The following CACNA2D3 variants were observed in gnomAD, a reference collection of about 807,000 sequenced individuals.
CACNA2D3 encodes the protein voltage-dependent calcium channel subunit alpha-2/delta-3.
CACNA2D3 carries 60 observed loss-of-function variants against 160.6 expected under a neutral mutation model. That is an observed-to-expected ratio of 0.37 (90% CI 0.30 to 0.46). The LOEUF (loss-of-function observed/expected upper bound fraction) is 0.46, where lower values mean the gene tolerates loss of function less well. Ranked by LOEUF, CACNA2D3 falls within the 20% of genes least tolerant of loss-of-function variation. The probability of loss-of-function intolerance (pLI) is 1.00; values close to 1 mark genes in which losing one functional copy is unlikely to be tolerated. For synonymous variants in CACNA2D3, 558 were observed against 492.9 expected, an observed-to-expected ratio of 1.13 and a Z score of -1.75; for missense variants, 1,205 against 1,365.0, an observed-to-expected ratio of 0.88 and a Z score of 1.85.
intron 11 of CACNA2D3, among the ~76,000 whole-genome samples, chr3:54,733,535 T>G (rs185093525): frequency 6.6e-6 from 1 of 152,336 alleles, no homozygotes; most frequent in East Asian, 1.9e-4. Context: ...GAGCCTGTAA[T>G]TTCTCTCCTG....
At chr3:54,720,222 G>A (rs1039102954) in intron 11 of CACNA2D3, among the ~76,000 whole-genome samples, 5 of 151,674 alleles carry the variant, frequency 3.3e-5, no homozygotes, top group Admixed American at 6.6e-5. Flanking sequence ...TAGATTATTG[G>A]TTTCCAGCCT....
intron 2 of CACNA2D3, among the ~76,000 whole-genome samples, chr3:54,239,616 C>G (rs1575336868): frequency 6.6e-6 from 1 of 152,204 alleles, no homozygotes; most frequent in Admixed American, 6.5e-5. Flanking sequence ...TCAGGAAGAA[C>G]AAATGTAGTT....
intron 2 of CACNA2D3, among the ~76,000 whole-genome samples, chr3:54,150,786 ACT>A (rs1332949315): frequency 5.3e-5 from 8 of 152,138 alleles, no homozygotes; most frequent in Non-Finnish European, 1.0e-4. Flanking sequence ...AGAGGAGATA[ACT>A]CTTGGTGTAG....
chr3:54,443,879 A>G (rs545899951), intron 4 of CACNA2D3, among the ~76,000 whole-genome samples: 1 of 152,296 alleles, frequency 6.6e-6, no homozygotes, highest in South Asian at 2.1e-4. Context: ...ATTGCAAAAC[A>G]TGCTGCTGTT....
chr3:54,769,929 TCAGTGTCCC>T (rs1193779918), intron 13 of CACNA2D3, among the ~76,000 whole-genome samples: 1 of 152,154 alleles, frequency 6.6e-6, no homozygotes, highest in Non-Finnish European at 1.5e-5. Context: ...GGTGCCTGGG[TCAGTGTCCC>T]CAGAAAACAC....
At chr3:54,417,294 A>T (rs1699767946) in intron 4 of CACNA2D3, among the ~76,000 whole-genome samples, 1 of 152,192 alleles carries the variant, frequency 6.6e-6, no homozygotes, top group Admixed American at 6.5e-5. Flanking sequence ...AACAAAACAG[A>T]CTTTCCCATG....
chr3:54,191,197 G>C (rs1351660430), intron 2 of CACNA2D3, among the ~76,000 whole-genome samples: 1 of 152,154 alleles, frequency 6.6e-6, no homozygotes, highest in Admixed American at 6.5e-5. Context: ...AAGCTTAGAT[G>C]CAGCAGCCTT....
chr3:54,599,538 A>T (rs1703024677), intron 9 of CACNA2D3, among the ~76,000 whole-genome samples: 1 of 152,110 alleles, frequency 6.6e-6, no homozygotes, highest in Non-Finnish European at 1.5e-5. Flanking sequence ...GCTGAGCTTG[A>T]GCATACATGA....
chr3:54,931,151 T>G (rs1206029710), intron 27 of CACNA2D3, among the ~76,000 whole-genome samples: 1 of 152,162 alleles, frequency 6.6e-6, no homozygotes, highest in East Asian at 1.9e-4. Context: ...ATTTACAGAC[T>G]TCAAAGAGTC....
At chr3:54,826,725 A>C (rs1046397044) in intron 14 of CACNA2D3, among the ~76,000 whole-genome samples, 4 of 152,170 alleles carry the variant, frequency 2.6e-5, no homozygotes, top group African/African-American at 9.7e-5. Flanking sequence ...GATCATAATT[A>C]ATTATAATTA....
chr3:55,038,409 G>A (rs560275684), intron 35 of CACNA2D3, among the ~76,000 whole-genome samples: 3 of 152,058 alleles, frequency 2.0e-5, no homozygotes, highest in Non-Finnish European at 4.4e-5. Flanking sequence ...CATATGAGAT[G>A]TGTTGCATAT....
chr3:54,208,059 T>G (rs1053725935), intron 2 of CACNA2D3, among the ~76,000 whole-genome samples: 17 of 152,080 alleles, frequency 1.1e-4, no homozygotes, highest in Non-Finnish European at 1.6e-4. Context: ...AATGGGTGAG[T>G]AGTGAGTGTG....
intron 11 of CACNA2D3, among the ~76,000 whole-genome samples, chr3:54,644,509 G>A (rs1699595138): frequency 6.6e-6 from 1 of 152,188 alleles, no homozygotes; most frequent in Non-Finnish European, 1.5e-5. Flanking sequence ...GTTAAAGTGA[G>A]ATGATGAGCA....
At chr3:55,021,474 T>C (rs1261206559) in intron 35 of CACNA2D3, among the ~76,000 whole-genome samples, 2 of 151,520 alleles carry the variant, frequency 1.3e-5, no homozygotes, top group Non-Finnish European at 2.9e-5. Flanking sequence ...GTTTACATTG[T>C]TTTTTTATTT....
chr3:54,480,795 A>AATCTG (rs1559493873), intron 4 of CACNA2D3, among the ~76,000 whole-genome samples: 1 of 152,112 alleles, frequency 6.6e-6, no homozygotes, highest in Admixed American at 6.6e-5. Flanking sequence ...AAGACTCCAG[A>AATCTG]ATCTGAAATG....
At chr3:54,912,544 A>C (rs979466731) in intron 27 of CACNA2D3, among the ~76,000 whole-genome samples, 3 of 152,050 alleles carry the variant, frequency 2.0e-5, no homozygotes, top group Non-Finnish European at 4.4e-5. Flanking sequence ...TGCCTTTTCC[A>C]TGGGACATTT....
chr3:54,737,778 T>A (rs9836012), intron 11 of CACNA2D3, among the ~76,000 whole-genome samples: 1 of 152,122 alleles, frequency 6.6e-6, no homozygotes, highest in South Asian at 2.1e-4. Flanking sequence ...GATTCTCTTG[T>A]CTCAGCCTCC....
intron 11 of CACNA2D3, among the ~76,000 whole-genome samples, chr3:54,661,193 C>G (rs1699963435): frequency 6.6e-6 from 1 of 152,152 alleles, no homozygotes; most frequent in Non-Finnish European, 1.5e-5. Context: ...GAGGGTCAGC[C>G]TGGCTGGGGG....
At chr3:54,608,813 C>A (rs886124038) in intron 9 of CACNA2D3, among the ~76,000 whole-genome samples, 8 of 152,140 alleles carry the variant, frequency 5.3e-5, no homozygotes, top group Non-Finnish European at 8.8e-5. Context: ...TAACTAGGGA[C>A]CTTCTTGCCA....
Sources: gnomAD v4.1 joint callset for allele counts (sites outside exome capture counted in the v4.1 genomes callset) on GRCh38, gnomAD v4.1.1 for gene constraint, MANE v1.5 for transcripts, NCBI Gene and HGNC (gene_info 2026-07-23, HGNC 2026-07-21) for gene names.